Variants in ELF2 observed in about 807,000 individuals in gnomAD.
ELF2 encodes ETS-related transcription factor Elf-2.
In ELF2, 11 loss-of-function variants were observed where a neutral mutation model predicts 54.8. The observed-to-expected ratio is 0.20, with a 90% CI of 0.13 to 0.33. The LOEUF (loss-of-function observed/expected upper bound fraction) is 0.33, where lower values mean the gene tolerates loss of function less well. ELF2 is among the 10% of genes least tolerant of loss of function. ELF2 has a pLI of 1.00. For synonymous variants in ELF2, 203 were observed against 245.1 expected (o/e 0.83, Z 1.61); for missense variants, 513 against 703.0 (o/e 0.73, Z 3.06).
chr4:139,157,995 GACC>G (rs1740718468), intron 1 of ELF2, among the ~76,000 whole-genome samples: 1 of 152,212 alleles, frequency 6.6e-6, no homozygotes, highest in African/African-American at 2.4e-5. Context: ...CGTGTGAAGA[GACC>G]ACCAAACAGG....
chr4:139,171,650 A>G (rs1442408585), intron 1 of ELF2, among the ~76,000 whole-genome samples: 4 of 151,970 alleles, frequency 2.6e-5, no homozygotes, highest in African/African-American at 7.2e-5. Context: ...CAGGCCGGGC[A>G]TGGTGGCTCA....
Position 139,103,089 on chromosome 4 carries a change from G to A in ELF2, c.238+22075C>T, listed in dbSNP as rs549045798. ...GATGGGGTTTTGCCATATTGCCCAG[G>A]CTAACCTTTTCTTTTTGATGTAAAA... On this transcript the variant is annotated intron_variant, in intron 4 of 9. Coordinates refer to ENST00000686138, the MANE Select transcript of ELF2 (RefSeq NM_001331036.3). Among the ~76,000 whole-genome samples the A allele has an allele frequency of 1.1e-4, 17 of 152,192 alleles. No homozygotes were observed. The South Asian group carries it at 3.5e-3, about 32-fold the overall frequency.
At chr4:139,080,782 G>A (rs558840300) in intron 4 of ELF2, among the ~76,000 whole-genome samples, 3 of 151,918 alleles carry the variant, frequency 2.0e-5, no homozygotes, top group East Asian at 1.9e-4. Flanking sequence ...CTAGAAATGA[G>A]CCTAAATTAT....
At chr4:139,123,064 G>C (rs1736547492) in intron 4 of ELF2, among the ~76,000 whole-genome samples, 1 of 151,438 alleles carries the variant, frequency 6.6e-6, no homozygotes, top group Non-Finnish European at 1.5e-5. Context: ...TGCACCTGTA[G>C]TCCCAGCTAC....
At chr4:139,140,545 G>C (rs896600808) in intron 1 of ELF2, among the ~76,000 whole-genome samples, 1 of 152,142 alleles carries the variant, frequency 6.6e-6, no homozygotes, top group Non-Finnish European at 1.5e-5. Context: ...TTGAGCCCAG[G>C]AGCTCCACAC....
At chr4:139,148,552 ATC>A (rs917930101) in intron 1 of ELF2, among the ~76,000 whole-genome samples, 8 of 151,682 alleles carry the variant, frequency 5.3e-5, no homozygotes, top group African/African-American at 1.9e-4. Context: ...TACATGTAAC[ATC>A]TGTTAGTATT....
intron 1 of ELF2, among the ~76,000 whole-genome samples, chr4:139,169,857 T>TAAAAA (rs3041235): frequency 1.5e-5 from 2 of 129,140 alleles, no homozygotes; most frequent in African/African-American, 2.9e-5. Flanking sequence ...ACTCTTGTCT[T>TAAAAA]AAAAAAAAAA....
Position 139,060,387 on chromosome 4 carries a change from C to G in ELF2, c.1094G>C (p.Gly365Ala). Residue 365 changes from glycine to alanine, a missense_variant, in exon 9 of 10, where the codon GGG becomes GCG. By Grantham distance (60) the Gly-to-Ala change is moderately conservative. Coordinates refer to ENST00000686138, the MANE Select transcript of ELF2 (RefSeq NM_001331036.3). Reference protein sequence around the residue: ...VARVVNITSPGHDASSRSPTT... With the variant: ...VARVVNITSPAHDASSRSPTT... The stretch of plus-strand genomic sequence containing the variant: ...AGGAGACCTGGATGAAGCATCGTGC[C>G]CAGGGGAAGTGATATTCACAACTCT... 6.2e-7 allele frequency: 1 copy of G among 1,614,020 alleles called. No individual in the cohort carries two copies. Among genetic ancestry groups the G allele is most frequent in the Non-Finnish European group, 8.5e-7 (1 of 1,179,994 alleles).
chr4:139,169,135 G>A (rs1742004367), intron 1 of ELF2, among the ~76,000 whole-genome samples: 1 of 151,800 alleles, frequency 6.6e-6, no homozygotes, highest in African/African-American at 2.4e-5. Flanking sequence ...ATCACTTGAG[G>A]TCAGGAGTTT....
chr4:139,092,352 C>T (rs1206721305), intron 4 of ELF2, among the ~76,000 whole-genome samples: 1 of 150,534 alleles, frequency 6.6e-6, no homozygotes, highest in Non-Finnish European at 1.5e-5. Flanking sequence ...CAGAGTGACA[C>T]TCCATCTCAG....
chr4:139,137,450 C>G, intron 3 of ELF2, 180 bp downstream of exon 3: 1 of 625,864 alleles, frequency 1.6e-6, no homozygotes, highest in East Asian at 2.8e-5. Flanking sequence ...TCACGTAAGC[C>G]CTGCAATACC....
At chr4:139,152,240 A>G (rs1012971714) in intron 1 of ELF2, among the ~76,000 whole-genome samples, 3 of 152,218 alleles carry the variant, frequency 2.0e-5, no homozygotes, top group Non-Finnish European at 4.4e-5. Context: ...TTTAAAAAGG[A>G]CAATGTACAA....
At chr4:139,164,037 G>A (rs1741443669) in intron 1 of ELF2, among the ~76,000 whole-genome samples, 1 of 148,768 alleles carries the variant, frequency 6.7e-6, no homozygotes, top group African/African-American at 2.5e-5. Flanking sequence ...AGAGAAGGAA[G>A]GGAGGCAGGG....
intron 4 of ELF2, among the ~76,000 whole-genome samples, chr4:139,083,227 C>T (rs1326431458): frequency 6.6e-6 from 1 of 152,128 alleles, no homozygotes; most frequent in East Asian, 1.9e-4. Context: ...TGAGACTTCC[C>T]TAGGGCCAAG....
At chr4:139,088,284 TA>T (rs10713739) in intron 4 of ELF2, among the ~76,000 whole-genome samples, 87,698 of 112,266 alleles carry the variant, frequency 0.78, 33,524 homozygotes, top group Middle Eastern at 0.91. Context: ...AGACTCTGTC[TA>T]AAAAAAAAAA....
chr4:139,137,581 C>A (rs1738313126), intron 3 of ELF2, 49 bp downstream of exon 3: 1 of 1,573,736 alleles, frequency 6.4e-7, no homozygotes, highest in Non-Finnish European at 8.7e-7. Flanking sequence ...TTAGTTCATG[C>A]ACAAATTTCT....
In ELF2 at chr4:139,072,032, C is replaced by G. The variant is rs369074780; in HGVS notation, c.360G>C (p.Val120=). The change falls in exon 6 of 10, where the codon GTG becomes GTC. Residue 120 remains valine (V), a synonymous_variant. Coordinates refer to ENST00000686138, the MANE Select transcript of ELF2 (RefSeq NM_001331036.3). ...GAGTTGATACACAAGGAGGAACAAA[C>G]ACTTCCACTATAAAAAAAAGTTGAA... is the stretch of plus-strand genomic sequence containing the variant. ...CLRDSRSPVE[V]FVPPCVSTPE... 3 of 1,608,132 alleles carry G rather than the reference C, an allele frequency of 1.9e-6. No individual in the cohort carries two copies. Among genetic ancestry groups the G allele is most frequent in the African/African-American group, 2.7e-5 (2 of 74,396 alleles).
intron 4 of ELF2, among the ~76,000 whole-genome samples, chr4:139,116,268 A>G (rs1400763675): frequency 6.6e-6 from 1 of 152,206 alleles, no homozygotes; most frequent in Non-Finnish European, 1.5e-5. Flanking sequence ...ACTTAGGGCT[A>G]GGCTAACCTC....
intron 4 of ELF2, among the ~76,000 whole-genome samples, chr4:139,078,401 T>C (rs1164376981): frequency 2.0e-5 from 3 of 152,092 alleles, no homozygotes; most frequent in African/African-American, 7.2e-5. Flanking sequence ...ACTTATCCTC[T>C]AATGCCCCAA....
Sources: allele counts gnomAD v4.1 joint callset (sites outside exome capture counted in the v4.1 genomes callset), GRCh38; gene constraint gnomAD v4.1.1; transcripts MANE v1.5; gene names NCBI Gene and HGNC (gene_info 2026-07-23, HGNC 2026-07-21).